The following MAGI2 variants were observed in gnomAD, a reference collection of about 807,000 sequenced individuals.
MAGI2 encodes membrane associated guanylate kinase, WW and PDZ domain containing 2, also known as membrane-associated guanylate kinase, WW and PDZ domain-containing protein 2.
A neutral mutation model predicts 133.3 loss-of-function variants in MAGI2; 35 were observed. That is an observed-to-expected ratio of 0.26 (90% confidence interval 0.20 to 0.35). The LOEUF is 0.35. MAGI2 is among the 10% of genes least tolerant of loss of function. The probability of loss-of-function intolerance (pLI) is 1.00; values close to 1 mark genes in which losing one functional copy is unlikely to be tolerated. For missense variants in MAGI2, 1,636 were observed against 1,863.4 expected (o/e 0.88, Z 2.25); for synonymous variants, 729 against 710.6 (o/e 1.03, Z -0.41).
At chr7:78,280,049 G>A (rs1026965296) in intron 9 of MAGI2, among the ~76,000 whole-genome samples, 2 of 152,104 alleles carry the variant, frequency 1.3e-5, no homozygotes, top group Non-Finnish European at 2.9e-5. Flanking sequence ...CAAGTTTGCC[G>A]CCTTCAGAGT....
chr7:79,380,482 A>G (rs1327298830), intron 1 of MAGI2, among the ~76,000 whole-genome samples: 1 of 151,810 alleles, frequency 6.6e-6, no homozygotes, highest in Non-Finnish European at 1.5e-5. Context: ...GCTCTTGCCC[A>G]TTAGTTCTTG....
chr7:78,134,032 C>G (rs546714814), intron 17 of MAGI2: 1 of 152,202 alleles, frequency 6.6e-6, no homozygotes, highest in South Asian at 2.1e-4. Context: ...GGACGGCTGT[C>G]CTGTGCATTT....
At chr7:79,406,922 A>G (rs10254950) in intron 1 of MAGI2, among the ~76,000 whole-genome samples, 36,423 of 151,990 alleles carry the variant, frequency 0.24, 5,564 homozygotes, top group African/African-American at 0.41. Context: ...TGGGATAAAA[A>G]AGTAAAATAG....
At chr7:78,752,346 T>C (rs1823530223) in intron 2 of MAGI2, among the ~76,000 whole-genome samples, 2 of 152,212 alleles carry the variant, frequency 1.3e-5, no homozygotes, top group Admixed American at 1.3e-4. Context: ...CTCATGCCTG[T>C]AATCCCAGCA....
chr7:78,621,927 C>T (rs933019935), intron 3 of MAGI2, among the ~76,000 whole-genome samples: 5 of 151,964 alleles, frequency 3.3e-5, no homozygotes, highest in East Asian at 3.9e-4. Context: ...GACTATTTTT[C>T]GGATGAGTGT....
chr7:78,170,053 A>G (rs1176614283), intron 14 of MAGI2: 1 of 152,244 alleles, frequency 6.6e-6, no homozygotes, highest in Admixed American at 6.5e-5. Flanking sequence ...TTTGGCCTTA[A>G]GAAAATGCTT....
At chr7:79,066,541 C>G (rs911149369) in intron 1 of MAGI2, among the ~76,000 whole-genome samples, 3 of 151,984 alleles carry the variant, frequency 2.0e-5, no homozygotes, top group Non-Finnish European at 4.4e-5. Context: ...ATGATAGTTT[C>G]CTTTGCTGTG....
chr7:78,568,548 A>G (rs1801177642), intron 3 of MAGI2, among the ~76,000 whole-genome samples: 1 of 152,034 alleles, frequency 6.6e-6, no homozygotes, highest in Admixed American at 6.6e-5. Flanking sequence ...TACACCTCTT[A>G]TCCGGTTTTA....
chr7:78,574,595 A>G (rs1037297920), intron 3 of MAGI2, among the ~76,000 whole-genome samples: 1 of 152,250 alleles, frequency 6.6e-6, no homozygotes, highest in Non-Finnish European at 1.5e-5. Flanking sequence ...CTTGTTTAAC[A>G]TATAGTTAGA....
intron 21 of MAGI2, 159 bp downstream of exon 21, chr7:78,078,788 A>ATGTGTGTATGTGTGTGTG (rs1554438562): frequency 1.4e-5 from 9 of 625,070 alleles, no homozygotes; most frequent in Non-Finnish European, 2.5e-5. Context: ...GTGTGTGTGT[A>ATGTGTGTATGTGTGTGTG]TGTGTGTGTG....
intron 11 of MAGI2, among the ~76,000 whole-genome samples, chr7:78,199,724 C>T (rs181176497): frequency 6.6e-6 from 1 of 152,306 alleles, no homozygotes; most frequent in East Asian, 1.9e-4. Context: ...GAAGTCCAAG[C>T]CCTAGCTTTT....
At chr7:79,400,281 T>G (rs1334697613) in intron 1 of MAGI2, among the ~76,000 whole-genome samples, 1 of 152,130 alleles carries the variant, frequency 6.6e-6, no homozygotes, top group Non-Finnish European at 1.5e-5. Flanking sequence ...TATAAAAAAC[T>G]TTATAAGGTA....
At position 78,346,051 on chromosome 7, in the gene MAGI2, A is replaced by T; in HGVS notation, c.1104-8T>A. On this transcript the variant is annotated splice_polypyrimidine_tract_variant and splice_region_variant and intron_variant, in intron 7 of 21. Transcript: ENST00000354212. ...GTTCTTCTATTTATGTGGCTAAAAA[A>T]GAAAATTTCAGATTAGGATAACCGT... 2 of 1,613,858 alleles carry T rather than the reference A, an allele frequency of 1.2e-6. No homozygotes were observed. Among genetic ancestry groups the T allele is most frequent in the South Asian group, 2.2e-5 (2 of 91,034 alleles).
intron 1 of MAGI2, among the ~76,000 whole-genome samples, chr7:79,041,158 G>C (rs1811628910): frequency 6.6e-6 from 1 of 152,090 alleles, no homozygotes; most frequent in South Asian, 2.1e-4. Context: ...CCTCCTCCAT[G>C]ATCCACTATT....
chr7:79,244,316 C>T (rs1356398858), intron 1 of MAGI2, among the ~76,000 whole-genome samples: 1 of 152,180 alleles, frequency 6.6e-6, no homozygotes, highest in African/African-American at 2.4e-5. Context: ...AATCACAGTA[C>T]CTGGTTTTTA....
At chr7:79,359,790 C>A (rs1396260047) in intron 1 of MAGI2, among the ~76,000 whole-genome samples, 1 of 151,246 alleles carries the variant, frequency 6.6e-6, no homozygotes, top group Non-Finnish European at 1.5e-5. Context: ...CAAATAAAAA[C>A]AATCTTAGAT....
intron 1 of MAGI2, among the ~76,000 whole-genome samples, chr7:79,348,090 C>T (rs1011463809): frequency 6.6e-6 from 1 of 151,852 alleles, no homozygotes; most frequent in African/African-American, 2.4e-5. Context: ...AATAAATACA[C>T]ATATAAGATC....
chr7:78,074,969 G>A (rs1033965604), intron 21 of MAGI2, among the ~76,000 whole-genome samples: 2 of 152,200 alleles, frequency 1.3e-5, no homozygotes, highest in Non-Finnish European at 1.5e-5. Flanking sequence ...CTGGTGCCTG[G>A]TGCCTGGAAA....
chr7:78,070,652 T>A (rs1486807760), intron 21 of MAGI2, among the ~76,000 whole-genome samples: 18 of 148,272 alleles, frequency 1.2e-4, no homozygotes, highest in South Asian at 2.1e-4. Context: ...ATATTTTTTT[T>A]TTTTTTTTAG....
Sources: gnomAD v4.1 joint callset for allele counts (sites outside exome capture counted in the v4.1 genomes callset) on GRCh38, gnomAD v4.1.1 for gene constraint, MANE v1.5 for transcripts, NCBI Gene and HGNC (gene_info 2026-07-23, HGNC 2026-07-21) for gene names.